Variants in ZMYND8 observed in about 807,000 individuals in gnomAD.
ZMYND8 encodes the protein zinc finger MYND-type containing 8.
Under a neutral mutation model 140.8 loss-of-function variants are expected in ZMYND8, and 37 were observed. That is an observed-to-expected ratio of 0.26 (90% CI 0.20 to 0.35). The LOEUF (loss-of-function observed/expected upper bound fraction) is 0.35, where lower values mean the gene tolerates loss of function less well. ZMYND8 is among the 10% of genes least tolerant of loss of function. The pLI is 1.00. For missense variants in ZMYND8, 1,068 were observed against 1,570.0 expected, an observed-to-expected ratio of 0.68 and a Z score of 5.40; for synonymous variants, 592 against 597.1, an observed-to-expected ratio of 0.99 and a Z score of 0.12.
At chr20:47,314,163 C>T (rs1233070432) in intron 2 of ZMYND8, among the ~76,000 whole-genome samples, 1 of 152,000 alleles carries the variant, frequency 6.6e-6, no homozygotes, top group Non-Finnish European at 1.5e-5. Context: ...ACTCTATACC[C>T]TTGTGTACTT....
In ZMYND8 at chr20:47,210,774, G is replaced by C. The variant is rs768981027; in HGVS notation, c.3692C>G (p.Thr1231Ser). 6.2e-7 allele frequency: 1 copy of C among 1,614,144 alleles called. No individual in the cohort carries two copies. Among genetic ancestry groups the C allele is most frequent in the Non-Finnish European group, 8.5e-7 (1 of 1,180,042 alleles). ...CCCGATTCACTGCTAGTCCCAGAAG[G>C]TGTCCAGCCGAGACTCTTTCGGGAG... ...SLLPKESRLD[T>S]FWD The change falls in exon 23 of 23, where the codon ACC becomes AGC. Residue 1231 changes from threonine to serine, a missense_variant. By Grantham distance (58) the Thr-to-Ser change is moderately conservative (BLOSUM62 1). Around this residue, in one of 10 missense-constraint regions of ZMYND8, gnomAD observed 180 missense variants for 187.8 expected, o/e 0.96. Coordinates refer to ENST00000471951, the MANE Select transcript of ZMYND8 (RefSeq NM_001281775.3).
intron 2 of ZMYND8, among the ~76,000 whole-genome samples, chr20:47,321,007 G>C (rs924050557): frequency 2.0e-5 from 3 of 152,190 alleles, no homozygotes; most frequent in African/African-American, 7.2e-5. Context: ...CAGGGTAAAA[G>C]TTTGTTCTCT....
At chr20:47,233,882 A>AAGT (rs1274226842) in intron 16 of ZMYND8, among the ~76,000 whole-genome samples, 1 of 152,216 alleles carries the variant, frequency 6.6e-6, no homozygotes, top group African/African-American at 2.4e-5. Flanking sequence ...GGCAAACTCT[A>AAGT]AGTGGGCTCC....
In ZMYND8 at chr20:47,209,960, TTC is replaced by T. The variant is rs1183492619; in HGVS notation, c.*799_*800del. ...AGGAACCACAAAGCAAAGATAAGGT[TTC>T]TCTTTTTTTCAGAGTTCATGATCCT... On this transcript the variant is annotated 3_prime_UTR_variant, in exon 23 of 23. Coordinates refer to ENST00000471951, the MANE Select transcript of ZMYND8 (RefSeq NM_001281775.3). 1 of 152,632 alleles carries T rather than the reference TTC, an allele frequency of 6.6e-6. No homozygotes were observed. 9.5% of individuals were successfully genotyped at this position (152,632 alleles called of 1,614,324 possible). A position where few individuals can be genotyped will look rare whatever the true frequency, so the allele number is the denominator to read the frequency against.
At chr20:47,301,642 T>A (rs1209148508) in intron 3 of ZMYND8, among the ~76,000 whole-genome samples, 1 of 151,872 alleles carries the variant, frequency 6.6e-6, no homozygotes, top group Non-Finnish European at 1.5e-5. Flanking sequence ...CACTCCCTAA[T>A]GAGAAAATCA....
At chr20:47,307,634 C>A (rs1033201611) in intron 3 of ZMYND8, among the ~76,000 whole-genome samples, 2 of 152,138 alleles carry the variant, frequency 1.3e-5, no homozygotes, top group Non-Finnish European at 2.9e-5. Context: ...TCAAGACCAG[C>A]CTGGCCAGCA....
intron 1 of ZMYND8, chr20:47,352,657 G>T: frequency 1.9e-6 from 1 of 530,814 alleles, no homozygotes; most frequent in Non-Finnish European, 2.4e-6. Flanking sequence ...CAAGGTGACT[G>T]CTTTTTAGCT....
intron 11 of ZMYND8, among the ~76,000 whole-genome samples, chr20:47,264,861 C>G (rs1235224034): frequency 2.6e-5 from 4 of 151,890 alleles, no homozygotes; most frequent in Non-Finnish European, 2.9e-5. Flanking sequence ...ATGGCGAAGC[C>G]TCATCTCTAC....
chr20:47,334,905 C>T (rs79372626), intron 2 of ZMYND8, among the ~76,000 whole-genome samples: 5,853 of 151,896 alleles, frequency 0.039, 347 homozygotes, highest in African/African-American at 0.13. Context: ...CCACCACACC[C>T]GGTCTCCGTG....
intron 2 of ZMYND8, among the ~76,000 whole-genome samples, chr20:47,335,116 G>A (rs1210871935): frequency 6.6e-6 from 1 of 151,884 alleles, no homozygotes; most frequent in Admixed American, 6.6e-5. Context: ...GGGTGGTAGT[G>A]CACACCTGTA....
Position 47,246,115 on chromosome 20 carries a change from T to C in ZMYND8, c.2177A>G (p.Asp726Gly). 1 of 1,614,168 alleles carries C rather than the reference T, an allele frequency of 6.2e-7. No individual in the cohort carries two copies. Among genetic ancestry groups the C allele is most frequent in the Non-Finnish European group, 8.5e-7 (1 of 1,180,028 alleles). Reference sequence around the variant, plus strand: ...GACAAGTTCGCTCTCTGAATCAGAGTCCAGGCCCAAATGGACTGTTGGGGA... The same window carrying C: ...GACAAGTTCGCTCTCTGAATCAGAGCCCAGGCCCAAATGGACTGTTGGGGA... ...TDSPTVHLGLDSDSESELVID... is the reference protein window; with the variant it reads ...TDSPTVHLGLGSDSESELVID... Residue 726 changes from aspartate to glycine, a missense_variant, in exon 14 of 23, where the codon GAC becomes GGC. Asp to Gly is a moderately conservative substitution (Grantham distance 94, BLOSUM62 -1). Around this residue, in one of 10 missense-constraint regions of ZMYND8, gnomAD observed 383 missense variants for 431.2 expected, o/e 0.89. Transcript: ENST00000471951.
intron 3 of ZMYND8, among the ~76,000 whole-genome samples, chr20:47,308,219 GT>G (rs1330667811): frequency 0.038 from 4,852 of 128,684 alleles, 205 homozygotes; most frequent in African/African-American, 0.13. Flanking sequence ...TGGACGTGAG[GT>G]TTTTTTTTTT....
intron 8 of ZMYND8, among the ~76,000 whole-genome samples, chr20:47,286,671 A>G (rs981558473): frequency 2.0e-5 from 3 of 152,196 alleles, no homozygotes; most frequent in Non-Finnish European, 4.4e-5. Flanking sequence ...GAGATCTAAT[A>G]AAGAAAAGCT....
At chr20:47,339,855 C>T (rs1161425563) in intron 2 of ZMYND8, among the ~76,000 whole-genome samples, 1 of 152,192 alleles carries the variant, frequency 6.6e-6, no homozygotes, top group African/African-American at 2.4e-5. Flanking sequence ...TTATCATCCC[C>T]ATTTACAAAA....
chr20:47,241,071 A>C (rs966546322), intron 14 of ZMYND8, among the ~76,000 whole-genome samples: 6 of 151,822 alleles, frequency 4.0e-5, no homozygotes, highest in African/African-American at 9.7e-5. Flanking sequence ...CGAGGCGGGC[A>C]GATCACGAAG....
intron 10 of ZMYND8, among the ~76,000 whole-genome samples, chr20:47,279,903 G>A (rs773883462): frequency 2.0e-5 from 3 of 151,786 alleles, no homozygotes; most frequent in Non-Finnish European, 2.9e-5. Context: ...CAGATGGATC[G>A]GTTGAATCCA....
In ZMYND8 at chr20:47,330,071, G is replaced by A. The variant is rs192306157; in HGVS notation, c.85+17785C>T. Among the ~76,000 whole-genome samples the A allele has an allele frequency of 3.1e-4, 47 of 152,304 alleles. 1 individual carries two copies. The highest frequency in any genetic ancestry group is 1.1e-3 in the African/African-American group (45 of 41,570). ...TTCTCTGTGGGAGACTGTAAATAAA[G>A]GGTTCAGGCCAAGAGAGGGCTTGGG... On this transcript the variant is annotated intron_variant, in intron 2 of 22. Transcript: ENST00000471951.
At chr20:47,329,248 G>C (rs970959073) in intron 2 of ZMYND8, among the ~76,000 whole-genome samples, 1 of 152,202 alleles carries the variant, frequency 6.6e-6, no homozygotes, top group Non-Finnish European at 1.5e-5. Flanking sequence ...TAAGGCTACG[G>C]AACAGTGTGA....
intron 15 of ZMYND8, 116 bp from the exon 16 acceptor site, chr20:47,236,632 T>C (rs2039274400): frequency 9.1e-7 from 1 of 1,101,922 alleles, no homozygotes; most frequent in Non-Finnish European, 1.2e-6. Context: ...TACTTTTAAA[T>C]GACAAAGATG....
Sources: gnomAD v4.1 joint callset for allele counts (sites outside exome capture counted in the v4.1 genomes callset) on GRCh38, gnomAD v4.1.1 for gene constraint, gnomAD v4.1.1 regional missense constraint, MANE v1.5 for transcripts, NCBI Gene and HGNC (gene_info 2026-07-23, HGNC 2026-07-21) for gene names.